CALN1: variants seen among roughly 807,000 people sequenced by gnomAD.
CALN1 encodes the protein calcium-binding protein 8.
A neutral mutation model predicts 30.6 loss-of-function variants in CALN1; 17 were observed. The ratio of observed to expected loss-of-function variants is 0.56; its 90% CI spans 0.38 to 0.83. CALN1 has a LOEUF of 0.83. Among genes scored for constraint, CALN1 ranks in the 40% least tolerant of loss-of-function variants. CALN1 has a pLI of 0.00. For synonymous variants in CALN1, 156 were observed against 131.4 expected (o/e 1.19, Z -1.28); for missense variants, 291 against 354.9 (o/e 0.82, Z 1.45).
At position 72,205,521 on chromosome 7, in the gene CALN1, GA is replaced by G. The variant is rs552568282; in HGVS notation, c.244+73164del. Reference sequence around the variant, plus strand: ...CCCAGCCTTTCCCCAATTTTTGTCAGAAGTATTTTTCTCCTGATTGCAAAAA... The same window carrying G: ...CCCAGCCTTTCCCCAATTTTTGTCAGAGTATTTTTCTCCTGATTGCAAAAA... On this transcript the variant is annotated intron_variant, in intron 3 of 6. Transcript: ENST00000395275. Among the ~76,000 whole-genome samples the G allele has an allele frequency of 5.7e-3, 568 of 99,038 alleles. 3 individuals are homozygous for G. Among genetic ancestry groups the G allele is most frequent in the Non-Finnish European group, 8.4e-3 (475 of 56,606 alleles). The allele number at this position is 99,038 out of a possible 152,430, so 65.0% of individuals were successfully genotyped here.
At chr7:72,339,858 A>T (rs766094914) in intron 2 of CALN1, among the ~76,000 whole-genome samples, 1 of 152,200 alleles carries the variant, frequency 6.6e-6, no homozygotes, top group Non-Finnish European at 1.5e-5. Flanking sequence ...CCCATGATTC[A>T]ATTTCCTCCC....
chr7:72,492,780 T>C, the CALN1 span, among the ~76,000 whole-genome samples: 2 of 152,194 alleles, frequency 1.3e-5, no homozygotes, highest in African/African-American at 4.8e-5. Flanking sequence ...GAAAATACAC[T>C]GGCTGCCGAG....
At chr7:72,067,569 ACT>A (rs1402475617) in intron 4 of CALN1, among the ~76,000 whole-genome samples, 1 of 152,042 alleles carries the variant, frequency 6.6e-6, no homozygotes, top group East Asian at 1.9e-4. Flanking sequence ...TTTTTCTATG[ACT>A]CTCTCAAGCC....
chr7:72,040,923 T>C (rs1802086115), intron 4 of CALN1, among the ~76,000 whole-genome samples: 1 of 152,162 alleles, frequency 6.6e-6, no homozygotes, highest in Non-Finnish European at 1.5e-5. Context: ...AGCCACCAGG[T>C]CTGTGGTATC....
chr7:72,257,763 C>T (rs141365514), intron 3 of CALN1, among the ~76,000 whole-genome samples: 2,109 of 152,282 alleles, frequency 0.014, 24 homozygotes, highest in Non-Finnish European at 0.021. Context: ...ATGTTATGTG[C>T]ACCACGGAAT....
At chr7:72,126,444 G>T (rs1024917668) in intron 3 of CALN1, among the ~76,000 whole-genome samples, 3 of 152,128 alleles carry the variant, frequency 2.0e-5, no homozygotes. Context: ...ACATGTGTGC[G>T]CATGTGTCTT....
chr7:72,358,003 T>A (rs1036463101), intron 2 of CALN1, among the ~76,000 whole-genome samples: 2 of 151,354 alleles, frequency 1.3e-5, no homozygotes, highest in African/African-American at 2.4e-5. Flanking sequence ...GATGGGGTTT[T>A]GTATTTAAGA....
intron 4 of CALN1, among the ~76,000 whole-genome samples, chr7:72,071,347 C>T (rs947877494): frequency 1.3e-5 from 2 of 152,136 alleles, no homozygotes; most frequent in Non-Finnish European, 2.9e-5. Context: ...TAAGCTCCAC[C>T]CCACCCCCAA....
intron 1 of CALN1, among the ~76,000 whole-genome samples, chr7:72,408,145 AC>A (rs1486066058): frequency 2.6e-5 from 4 of 151,906 alleles, no homozygotes; most frequent in Non-Finnish European, 5.9e-5. Flanking sequence ...TTAAAAACAA[AC>A]CGTAGGCCTG....
chr7:71,817,519 T>C (rs926572872), intron 5 of CALN1, among the ~76,000 whole-genome samples: 2 of 152,198 alleles, frequency 1.3e-5, no homozygotes, highest in African/African-American at 4.8e-5. Context: ...TGTTTATTCA[T>C]TTATTTATTT....
chr7:72,195,559 T>C (rs1790928740), intron 3 of CALN1, among the ~76,000 whole-genome samples: 1 of 152,124 alleles, frequency 6.6e-6, no homozygotes, highest in Admixed American at 6.5e-5. Context: ...AAAAAATTTT[T>C]TTAAGGATGG....
chr7:72,097,385 G>GTGAATGATGCAGGAAGCTC (rs1183939321), intron 4 of CALN1, among the ~76,000 whole-genome samples: 1 of 152,186 alleles, frequency 6.6e-6, no homozygotes, highest in Non-Finnish European at 1.5e-5. Flanking sequence ...TTATTCCCCA[G>GTGAATGATGCAGGAAGCTC]TGAATGATGC....
intron 3 of CALN1, among the ~76,000 whole-genome samples, chr7:72,190,807 C>T (rs567185787): frequency 6.6e-6 from 1 of 151,920 alleles, no homozygotes; most frequent in Non-Finnish European, 1.5e-5. Flanking sequence ...CTTGCTCTGC[C>T]CTATTCAAGT....
At chr7:72,380,947 G>C (rs1804863963) in intron 2 of CALN1, among the ~76,000 whole-genome samples, 1 of 152,178 alleles carries the variant, frequency 6.6e-6, no homozygotes, top group South Asian at 2.1e-4. Flanking sequence ...TCACTGCAAA[G>C]AGAGCACAGC....
chr7:71,823,404 G>A (rs1471833253), intron 5 of CALN1, among the ~76,000 whole-genome samples: 1 of 152,090 alleles, frequency 6.6e-6, no homozygotes, highest in African/African-American at 2.4e-5. Context: ...AGACATACCC[G>A]ACCCTGGGTA....
intron 2 of CALN1, among the ~76,000 whole-genome samples, chr7:72,324,958 A>T (rs1801166667): frequency 6.6e-6 from 1 of 152,184 alleles, no homozygotes; most frequent in Non-Finnish European, 1.5e-5. Flanking sequence ...GAAGCTCGAC[A>T]GATGCATTTA....
intron 3 of CALN1, among the ~76,000 whole-genome samples, chr7:72,197,588 G>C (rs371957999): frequency 6.6e-6 from 1 of 152,142 alleles, no homozygotes. Context: ...TGAGCACTTT[G>C]GGAGGCTGAG....
At chr7:71,906,281 C>T (rs781068680) in intron 5 of CALN1, among the ~76,000 whole-genome samples, 1 of 152,078 alleles carries the variant, frequency 6.6e-6, no homozygotes, top group Non-Finnish European at 1.5e-5. Flanking sequence ...CGGAACTTTC[C>T]ATTTTCCAGG....
intron 5 of CALN1, among the ~76,000 whole-genome samples, chr7:71,937,433 T>C (rs910900027): frequency 1.3e-5 from 2 of 149,758 alleles, no homozygotes; most frequent in Non-Finnish European, 3.0e-5. Flanking sequence ...TGTATGTATA[T>C]GTATATACAT....
Sources: allele counts gnomAD v4.1 joint callset (sites outside exome capture counted in the v4.1 genomes callset), GRCh38; gene constraint gnomAD v4.1.1; transcripts MANE v1.5; gene names NCBI Gene and HGNC (gene_info 2026-07-23, HGNC 2026-07-21).